RIC3: variants seen among roughly 807,000 people sequenced by gnomAD.
RIC3 encodes RIC3 acetylcholine receptor chaperone.
A neutral mutation model predicts 27.3 loss-of-function variants in RIC3; 28 were observed. That is an observed-to-expected ratio of 1.02 (90% CI 0.76 to 1.41). RIC3 has a LOEUF of 1.41. Ranked by LOEUF, RIC3 falls within the 40% of genes most tolerant of loss-of-function variation. The probability of loss-of-function intolerance (pLI) is 0.00; values close to 1 mark genes in which losing one functional copy is unlikely to be tolerated. For synonymous variants in RIC3, 184 were observed against 160.4 expected (o/e 1.15, Z -1.11); for missense variants, 501 against 444.7 (o/e 1.13, Z -1.14).
intron 5 of RIC3, among the ~76,000 whole-genome samples, chr11:8,123,726 T>C (rs545054047): frequency 6.6e-6 from 1 of 151,870 alleles, no homozygotes; most frequent in African/African-American, 2.4e-5. Flanking sequence ...ATTAAATTCA[T>C]AGACATCTTC....
Position 8,110,688 on chromosome 11 carries a change from C to G in RIC3, c.*10G>C. 4 of 1,613,212 alleles carry G rather than the reference C, an allele frequency of 2.5e-6. No individual in the cohort carries two copies. Among genetic ancestry groups the G allele is most frequent in the Non-Finnish European group, 3.4e-6 (4 of 1,179,182 alleles). On this transcript the variant is annotated 3_prime_UTR_variant, in exon 6 of 6. Coordinates refer to ENST00000309737, the MANE Select transcript of RIC3 (RefSeq NM_001206671.4). The stretch of plus-strand genomic sequence containing the variant: ...GGACTTGAGTAATGGATACTTCAGA[C>G]TGGCTGTTTTCACTCTAAACCCTGG...
intron 1 of RIC3, among the ~76,000 whole-genome samples, chr11:8,145,494 G>A (rs1949586519): frequency 1.3e-5 from 2 of 152,178 alleles, no homozygotes; most frequent in Admixed American, 1.3e-4. Context: ...AAATTCCTTG[G>A]AGGAGGACTT....
downstream of RIC3, chr11:8,105,246 G>C (rs1023313376): frequency 6.6e-6 from 1 of 152,124 alleles, no homozygotes; most frequent in Non-Finnish European, 1.5e-5. Flanking sequence ...ATGCCAAGTG[G>C]CCCTCAGATT....
rs1259861193 is a variant in RIC3, at chr11:8,140,011, A to C, written c.307T>G (p.Tyr103Asp). The C allele has an allele frequency of 1.9e-6, 3 of 1,614,028 alleles. No homozygotes were observed. The African/African-American group carries it at 4.0e-5, about 22-fold the overall frequency. Residue 103 changes from tyrosine (Y) to aspartate (D), a missense_variant, in exon 2 of 6, where the codon TAC (tyrosine) becomes GAC (aspartate). Coordinates refer to ENST00000309737, the MANE Select transcript of RIC3 (RefSeq NM_001206671.4). ...RGLMGQIIPIYGFGIFLYILY... is the reference protein window; with the variant it reads ...RGLMGQIIPIDGFGIFLYILY... ...ATATATAAAAAAATCCCAAAACCGT[A>C]GATTGGAATAATCTGCCCCATCAGA...
downstream of RIC3, chr11:8,103,817 C>T (rs1040381457): frequency 2.0e-5 from 3 of 152,592 alleles, no homozygotes; most frequent in Non-Finnish European, 4.4e-5. Flanking sequence ...ATAGAACAGG[C>T]TGGTTCTGAG....
Position 8,106,553 on chromosome 11 carries a change from T to TC in RIC3, c.*4144dup. The TC allele has an allele frequency of 6.6e-6, 1 of 152,332 alleles. No homozygotes were observed. 9.4% of individuals were successfully genotyped at this position (152,332 alleles called of 1,614,324 possible). On this transcript the variant is annotated 3_prime_UTR_variant, in exon 6 of 6. Transcript: ENST00000309737. ...TGAAGGGGCTGGTGGTTCCTCAGTA[T>TC]CCCCTGTGGGCCTGGCCTTAGGAAG...
intron 1 of RIC3, among the ~76,000 whole-genome samples, chr11:8,146,170 A>G (rs1029395613): frequency 3.3e-5 from 5 of 152,258 alleles, no homozygotes; most frequent in Non-Finnish European, 5.9e-5. Flanking sequence ...GGAAGAATGG[A>G]AAATCAAAAT....
chr11:8,102,970 C>T (rs996268632), downstream of RIC3: 2 of 152,212 alleles, frequency 1.3e-5, no homozygotes, highest in Non-Finnish European at 2.9e-5. Flanking sequence ...TTAGAAGCAT[C>T]AGAGTTGATA....
At chr11:8,098,976 C>A in the RIC3 span, 1 of 890,972 alleles carries the variant, frequency 1.1e-6, no homozygotes, top group Non-Finnish European at 1.8e-6. Flanking sequence ...AGTGGGTAGA[C>A]AAGGCTGTGT....
Position 8,108,334 on chromosome 11 carries a change from C to G in RIC3, c.*2364G>C, listed in dbSNP as rs572601295. ...AAGAAGTTCTTTGCATGCCTCAAGG[C>G]CCACCTCCCAAGAAACTGTGAAGTT... is the stretch of plus-strand genomic sequence containing the variant. On this transcript the variant is annotated 3_prime_UTR_variant, in exon 6 of 6. Coordinates refer to ENST00000309737, the MANE Select transcript of RIC3 (RefSeq NM_001206671.4). 1 of 152,288 alleles carries G rather than the reference C, an allele frequency of 6.6e-6. No individual in the cohort carries two copies. The highest frequency in any genetic ancestry group is 2.1e-4 in the South Asian group (1 of 4,824). 9.4% of individuals were successfully genotyped at this position (152,288 alleles called of 1,614,324 possible).
chr11:8,101,729 C>A, downstream of RIC3: 1 of 1,462,478 alleles, frequency 6.8e-7, no homozygotes, highest in South Asian at 1.4e-5. Context: ...CCAGATGAAG[C>A]TTTGGCCCTC....
intron 5 of RIC3, among the ~76,000 whole-genome samples, chr11:8,122,282 A>G (rs548767905): frequency 2.0e-5 from 3 of 152,150 alleles, no homozygotes; most frequent in Non-Finnish European, 4.4e-5. Context: ...AGCAACAACT[A>G]ATCAGTCCTC....
rs764404641 is a variant in RIC3 at position 8,110,817 on chromosome 11, C to T, written c.991G>A (p.Glu331Lys). Residue 331 changes from glutamate (E) to lysine (K), a missense_variant, in exon 6 of 6, where the codon GAG (glutamate) becomes AAG (lysine). By Grantham distance (56) the Glu-to-Lys change is moderately conservative. Coordinates refer to ENST00000309737, the MANE Select transcript of RIC3 (RefSeq NM_001206671.4). ...GFSADSYPEQ[E>K]ETTKEEWSQD... ...GACCACTCTTCTTTGGTGGTTTCCT[C>T]TTGCTCAGGGTAGCTATCTGCACTG... is the stretch of plus-strand genomic sequence containing the variant. The T allele has an allele frequency of 3.7e-6, 6 of 1,614,116 alleles. No homozygotes were observed. In the South Asian group the frequency reaches 6.6e-5, roughly 18 times the overall value.
intron 4 of RIC3, among the ~76,000 whole-genome samples, chr11:8,135,316 G>A (rs1484942065): frequency 6.6e-6 from 1 of 152,100 alleles, no homozygotes; most frequent in Non-Finnish European, 1.5e-5. Context: ...TACTTCTGAG[G>A]GCTCTGTTCT....
At chr11:8,092,999 G>C in the RIC3 span, among the ~76,000 whole-genome samples, 1 of 152,128 alleles carries the variant, frequency 6.6e-6, no homozygotes, top group Admixed American at 6.5e-5. Flanking sequence ...GTTTGTGTCA[G>C]GCTCTGGATT....
intron 1 of RIC3, among the ~76,000 whole-genome samples, chr11:8,161,192 T>C (rs970722562): frequency 1.3e-5 from 2 of 152,166 alleles, no homozygotes; most frequent in African/African-American, 4.8e-5. Flanking sequence ...GAACATAGAG[T>C]AGCTACCTGT....
chr11:8,129,663 T>C (rs552574131), intron 4 of RIC3, among the ~76,000 whole-genome samples: 1 of 152,326 alleles, frequency 6.6e-6, no homozygotes, highest in South Asian at 2.1e-4. Flanking sequence ...AGCAGAATCA[T>C]CAAGTTCCAA....
At chr11:8,155,957 T>G (rs1950621773) in intron 1 of RIC3, among the ~76,000 whole-genome samples, 1 of 152,194 alleles carries the variant, frequency 6.6e-6, no homozygotes, top group Non-Finnish European at 1.5e-5. Flanking sequence ...CCTATCTTGT[T>G]ACATTTCCCT....
chr11:8,118,039 G>A (rs1029003592), intron 5 of RIC3, among the ~76,000 whole-genome samples: 30 of 151,714 alleles, frequency 2.0e-4, no homozygotes, highest in East Asian at 7.8e-4. Context: ...TGGCTAACAC[G>A]GTGAAACCCC....
Sources: allele counts gnomAD v4.1 joint callset (sites outside exome capture counted in the v4.1 genomes callset), GRCh38; gene constraint gnomAD v4.1.1; transcripts MANE v1.5; gene names NCBI Gene and HGNC (gene_info 2026-07-23, HGNC 2026-07-21).